GRID2: variants seen among roughly 807,000 people sequenced by gnomAD.
The protein encoded by GRID2 is glutamate ionotropic receptor delta type subunit 2.
Under a neutral mutation model 114.8 loss-of-function variants are expected in GRID2, and 33 were observed. The observed-to-expected ratio is 0.29, with a 90% confidence interval of 0.22 to 0.38. GRID2 has a LOEUF of 0.38. Ranked by LOEUF, GRID2 falls within the 10% of genes least tolerant of loss-of-function variation. The probability of loss-of-function intolerance (pLI) is 1.00; values close to 1 mark genes in which losing one functional copy is unlikely to be tolerated. For missense variants in GRID2, 1,184 were observed against 1,257.7 expected, an observed-to-expected ratio of 0.94 and a Z score of 0.89; for synonymous variants, 505 against 449.9, an observed-to-expected ratio of 1.12 and a Z score of -1.55.
chr4:92,970,942 C>T (rs545977420), intron 2 of GRID2, among the ~76,000 whole-genome samples: 135 of 151,748 alleles, frequency 8.9e-4, no homozygotes, highest in African/African-American at 3.2e-3. Context: ...TATATACACA[C>T]ACATTGCATA....
At chr4:92,777,560 T>C (rs956250207) in intron 2 of GRID2, among the ~76,000 whole-genome samples, 4 of 152,104 alleles carry the variant, frequency 2.6e-5, no homozygotes, top group Non-Finnish European at 4.4e-5. Context: ...CTGGACTGAA[T>C]TGTGTTCTCC....
chr4:93,691,488 G>C lies in GRID2; in HGVS notation c.2360+65053G>C, dbSNP rs557650286. On this transcript the variant is annotated intron_variant, in intron 14 of 15. Coordinates refer to ENST00000282020, the MANE Select transcript of GRID2 (RefSeq NM_001510.4). ...AGTGTCCAGGGTTTTGTTATGGGCA[G>C]ACCTGAGTTCAAATCTCAACTTTGC... is the stretch of plus-strand genomic sequence containing the variant. Among the ~76,000 whole-genome samples, 9 of 152,164 alleles carry C rather than the reference G, an allele frequency of 5.9e-5. 1 individual carries two copies. In the South Asian group the frequency reaches 1.9e-3, roughly 32 times the overall value.
At chr4:93,602,911 G>A (rs1348195915) in intron 13 of GRID2, among the ~76,000 whole-genome samples, 2 of 152,270 alleles carry the variant, frequency 1.3e-5, no homozygotes, top group East Asian at 1.9e-4. Context: ...ATGCATGAAT[G>A]ATAAGACAGG....
chr4:92,528,976 A>C (rs534600743), intron 1 of GRID2, among the ~76,000 whole-genome samples: 43 of 152,238 alleles, frequency 2.8e-4, no homozygotes, highest in Admixed American at 1.8e-3. Context: ...CATCTAAGTG[A>C]ATCTTCAATT....
At chr4:92,768,894 C>T (rs552706314) in intron 2 of GRID2, among the ~76,000 whole-genome samples, 35 of 152,202 alleles carry the variant, frequency 2.3e-4, no homozygotes, top group East Asian at 3.9e-4. Context: ...ATGAGATTTG[C>T]GTGGGGACAC....
chr4:93,132,563 A>T (rs1734899413), intron 4 of GRID2, among the ~76,000 whole-genome samples: 1 of 152,198 alleles, frequency 6.6e-6, no homozygotes, highest in Non-Finnish European at 1.5e-5. Flanking sequence ...CCCTTAAGGG[A>T]TGGAATTGGC....
chr4:92,629,735 A>G (rs376358898), intron 2 of GRID2, among the ~76,000 whole-genome samples: 2 of 151,008 alleles, frequency 1.3e-5, no homozygotes, highest in East Asian at 3.9e-4. Flanking sequence ...TGAATGTTAG[A>G]TCACTAACAT....
chr4:92,628,106 G>GT (rs1445234661), intron 2 of GRID2, among the ~76,000 whole-genome samples: 1 of 152,060 alleles, frequency 6.6e-6, no homozygotes, highest in African/African-American at 2.4e-5. Flanking sequence ...ATAATTGAGA[G>GT]TTTATATAAT....
rs1030496940 is a variant in GRID2, at chr4:92,664,334, A to G, written c.244+74048A>G. Among the ~76,000 whole-genome samples the G allele has an allele frequency of 3.3e-5, 5 of 150,716 alleles. No homozygotes were observed. The Admixed American group carries it at 3.3e-4, about 10-fold the overall frequency. On this transcript the variant is annotated intron_variant, in intron 2 of 15. Transcript: ENST00000282020. Reference sequence around the variant, plus strand: ...GTTTCCCTTATTTCTCTTTCGATCAATTGGTTGTGTAAGACTATGTTTTTA... The same window carrying G: ...GTTTCCCTTATTTCTCTTTCGATCAGTTGGTTGTGTAAGACTATGTTTTTA...
Position 92,687,801 on chromosome 4 carries a change from C to T in GRID2, c.244+97515C>T, listed in dbSNP as rs558257882. 8.7e-4 allele frequency among the ~76,000 whole-genome samples: 132 copies of T among 152,000 alleles called. 3 individuals are homozygous for T. The South Asian group carries it at 0.02, about 23-fold the overall frequency. ...CCAAGATTGCACCACTGCACTCCAG[C>T]CTGGGCGACAAAGCAAGACTCCCTC... On this transcript the variant is annotated intron_variant, in intron 2 of 15. Coordinates refer to ENST00000282020, the MANE Select transcript of GRID2 (RefSeq NM_001510.4).
intron 14 of GRID2, among the ~76,000 whole-genome samples, chr4:93,730,045 G>A (rs1374275603): frequency 6.6e-6 from 1 of 152,154 alleles, no homozygotes; most frequent in Non-Finnish European, 1.5e-5. Flanking sequence ...ATGAGTGAAT[G>A]AATGAATGCA....
At chr4:92,352,967 A>T (rs1018978712) in intron 1 of GRID2, among the ~76,000 whole-genome samples, 2 of 151,752 alleles carry the variant, frequency 1.3e-5, no homozygotes, top group Admixed American at 1.3e-4. Flanking sequence ...ATTTCTTTAA[A>T]TATTATATCT....
chr4:93,402,929 A>C (rs1431504508), intron 9 of GRID2, among the ~76,000 whole-genome samples: 3 of 152,068 alleles, frequency 2.0e-5, no homozygotes, highest in Non-Finnish European at 4.4e-5. Context: ...CTACTTAGAG[A>C]CTTTCAGAAT....
At chr4:93,233,870 T>A (rs191899916) in intron 7 of GRID2, among the ~76,000 whole-genome samples, 1 of 152,220 alleles carries the variant, frequency 6.6e-6, no homozygotes, top group Admixed American at 6.5e-5. Flanking sequence ...TTTGGTGATT[T>A]AATAAGTGTG....
chr4:93,215,879 G>A (rs547148603), intron 5 of GRID2, among the ~76,000 whole-genome samples: 14 of 151,818 alleles, frequency 9.2e-5, no homozygotes, highest in Admixed American at 3.3e-4. Flanking sequence ...TTCTGTTGCC[G>A]TAAAAATTGA....
At chr4:92,430,096 C>G (rs1732367069) in intron 1 of GRID2, among the ~76,000 whole-genome samples, 1 of 152,030 alleles carries the variant, frequency 6.6e-6, no homozygotes, top group Non-Finnish European at 1.5e-5. Flanking sequence ...TGTGCAGATG[C>G]TTTTTAACTT....
intron 2 of GRID2, among the ~76,000 whole-genome samples, chr4:92,976,743 G>C (rs1217979639): frequency 6.6e-6 from 1 of 152,080 alleles, no homozygotes; most frequent in African/African-American, 2.4e-5. Context: ...GTCTATTGCT[G>C]ACTCTTCCAG....
chr4:92,432,063 T>A (rs752535433), intron 1 of GRID2, among the ~76,000 whole-genome samples: 2 of 152,212 alleles, frequency 1.3e-5, no homozygotes, highest in Admixed American at 6.5e-5. Flanking sequence ...GCGGGGAATC[T>A]TGTTCTTTTC....
intron 2 of GRID2, among the ~76,000 whole-genome samples, chr4:92,920,415 A>G (rs906871576): frequency 5.9e-5 from 9 of 152,118 alleles, no homozygotes; most frequent in Admixed American, 3.3e-4. Flanking sequence ...TATTTTGCTC[A>G]TTAGTTGATG....
Sources: gnomAD v4.1 joint callset for allele counts (sites outside exome capture counted in the v4.1 genomes callset) on GRCh38, gnomAD v4.1.1 for gene constraint, MANE v1.5 for transcripts, NCBI Gene and HGNC (gene_info 2026-07-23, HGNC 2026-07-21) for gene names.